SLC6A5: variants seen among roughly 807,000 people sequenced by gnomAD.
SLC6A5 encodes solute carrier family 6 member 5, also known as sodium- and chloride-dependent glycine transporter 2.
Under a neutral mutation model 90.5 loss-of-function variants are expected in SLC6A5, and 58 were observed. That is an observed-to-expected ratio of 0.64 (90% CI 0.52 to 0.80). The LOEUF (loss-of-function observed/expected upper bound fraction) is 0.80, where lower values mean the gene tolerates loss of function less well. SLC6A5 is among the 30% of genes least tolerant of loss of function. The probability of loss-of-function intolerance (pLI) is 0.00; values close to 1 mark genes in which losing one functional copy is unlikely to be tolerated. For missense variants in SLC6A5, 1,015 were observed against 1,017.6 expected (o/e 1.00, Z 0.03); for synonymous variants, 427 against 401.4 (o/e 1.06, Z -0.76).
At chr11:20,654,312 C>A (rs764050824) in intron 15 of SLC6A5, among the ~76,000 whole-genome samples, 1 of 151,954 alleles carries the variant, frequency 6.6e-6, no homozygotes, top group Non-Finnish European at 1.5e-5. Context: ...GACTACAGAA[C>A]AAAAGTAATC....
At chr11:20,652,212 A>G in intron 14 of SLC6A5, 77 bp from the exon 15 acceptor site, 2 of 1,314,782 alleles carry the variant, frequency 1.5e-6, no homozygotes, top group Non-Finnish European at 2.2e-6. Context: ...CAAACTCATA[A>G]CGGGGGTTTA....
At chr11:20,604,772 G>A (rs4423178) in intron 3 of SLC6A5, among the ~76,000 whole-genome samples, 42,725 of 151,922 alleles carry the variant, frequency 0.28, 6,195 homozygotes, top group South Asian at 0.38. Flanking sequence ...CATCCAACGA[G>A]GTTAGAGCCA....
chr11:20,613,680 A>C, intron 5 of SLC6A5, among the ~76,000 whole-genome samples: 1 of 25,304 alleles, frequency 4.0e-5, no homozygotes. Context: ...TTTTTAAGAG[A>C]CAGGGTCTTG....
chr11:20,619,641 C>G (rs1188502250), intron 7 of SLC6A5, among the ~76,000 whole-genome samples: 2 of 148,156 alleles, frequency 1.3e-5, no homozygotes, highest in Non-Finnish European at 3.0e-5. Context: ...TTTTTTTTGG[C>G]CAATAAATGA....
intron 8 of SLC6A5, 79 bp downstream of exon 8, chr11:20,626,921 C>A: frequency 8.6e-7 from 1 of 1,165,984 alleles, no homozygotes; most frequent in Non-Finnish European, 1.3e-6. Flanking sequence ...GTTAGACTTC[C>A]TCCTCCAGGG....
intron 10 of SLC6A5, among the ~76,000 whole-genome samples, chr11:20,634,881 G>A (rs370680234): frequency 1.6e-4 from 25 of 152,150 alleles, no homozygotes; most frequent in Admixed American, 6.5e-4. Flanking sequence ...GGATTATCCC[G>A]GCGCCCACAT....
rs3045403 is a variant in SLC6A5 at position 20,613,652 on chromosome 11, CTT to C, written c.986-1006_986-1005del. On this transcript the variant is annotated intron_variant, in intron 5 of 15. Coordinates refer to ENST00000525748, the MANE Select transcript of SLC6A5 (RefSeq NM_004211.5). Reference sequence around the variant, plus strand: ...CACCGATGTTTTGGACTAAATAATTCTTTTTTTTTTTTTTTTTTTTTTAAGAG... The same window carrying C: ...CACCGATGTTTTGGACTAAATAATTCTTTTTTTTTTTTTTTTTTTTAAGAG... Among the ~76,000 whole-genome samples the C allele has an allele frequency of 1.5e-3, 189 of 126,380 alleles. 1 individual carries two copies. In the Middle Eastern group the frequency reaches 0.016, roughly 11 times the overall value. The allele number at this position is 126,380 out of a possible 152,430, so 82.9% of individuals were successfully genotyped here.
At chr11:20,608,521 G>A (rs1852626266) in intron 5 of SLC6A5, among the ~76,000 whole-genome samples, 1 of 152,240 alleles carries the variant, frequency 6.6e-6, no homozygotes, top group South Asian at 2.1e-4. Flanking sequence ...ACCTTGTGGG[G>A]ATTGCTGTAA....
intron 10 of SLC6A5, among the ~76,000 whole-genome samples, chr11:20,634,938 A>G (rs1853175443): frequency 6.6e-6 from 1 of 152,098 alleles, no homozygotes; most frequent in Non-Finnish European, 1.5e-5. Context: ...TTACAGGAAA[A>G]TTCACAACTG....
At chr11:20,644,017 T>C (rs1004155103) in intron 13 of SLC6A5, among the ~76,000 whole-genome samples, 4 of 152,222 alleles carry the variant, frequency 2.6e-5, no homozygotes, top group African/African-American at 7.2e-5. Context: ...TGAAGTACAA[T>C]GTACATACAT....
intron 4 of SLC6A5, 121 bp downstream of exon 4, chr11:20,607,259 T>G: frequency 7.2e-7 from 1 of 1,380,902 alleles, no homozygotes; most frequent in African/African-American, 1.4e-5. Flanking sequence ...CTTTCCTTCC[T>G]TTATTTGATC....
chr11:20,630,376 G>A (rs1022578465), intron 9 of SLC6A5, among the ~76,000 whole-genome samples: 1 of 152,166 alleles, frequency 6.6e-6, no homozygotes, highest in African/African-American at 2.4e-5. Context: ...ATCAAATTGT[G>A]GATTAAGTTT....
chr11:20,645,502 G>A (rs546194364), intron 13 of SLC6A5, among the ~76,000 whole-genome samples: 3 of 152,254 alleles, frequency 2.0e-5, no homozygotes, highest in Admixed American at 1.3e-4. Context: ...AGGAGCAAGC[G>A]ACCAAGGTCT....
In SLC6A5 at chr11:20,621,012, A is replaced by G. The variant is rs117173914; in HGVS notation, c.1260+3128A>G. ...GAGACAGGATTTCACCGTGTTGGCC[A>G]GGCTAGTCTTGACCTCTTGATCTCA... is the stretch of plus-strand genomic sequence containing the variant. On this transcript the variant is annotated intron_variant, in intron 7 of 15. Transcript: ENST00000525748. Among the ~76,000 whole-genome samples the G allele has an allele frequency of 2.9e-3, 441 of 152,222 alleles. 1 individual carries two copies. The highest frequency in any genetic ancestry group is 5.0e-3 in the Non-Finnish European group (341 of 68,012).
chr11:20,628,003 G>T lies in SLC6A5; in HGVS notation c.1419G>T (p.Gln473His). 1 of 1,614,102 alleles carries T rather than the reference G, an allele frequency of 6.2e-7. No individual in the cohort carries two copies. Among genetic ancestry groups the T allele is most frequent in the Non-Finnish European group, 8.5e-7 (1 of 1,180,000 alleles). The change falls in exon 9 of 16, where the codon CAG (glutamine) becomes CAT (histidine). Residue 473 changes from glutamine to histidine, a missense_variant. This residue lies in a region of SLC6A5 where 442 missense variants were observed against 494.3 expected (regional missense o/e 0.89). Coordinates refer to ENST00000525748, the MANE Select transcript of SLC6A5 (RefSeq NM_004211.5). ...AGGTGTGGAAAGATGCTGCCACTCAGATTTTCTTCTCTTTATCTGCTGCAT... is the reference window on the plus strand; with the variant it reads ...AGGTGTGGAAAGATGCTGCCACTCATATTTTCTTCTCTTTATCTGCTGCAT... The part of the protein sequence containing the change: ...DATVWKDAAT[Q>H]IFFSLSAAWG...
At chr11:20,612,292 C>CT (rs1852709310) in intron 5 of SLC6A5, among the ~76,000 whole-genome samples, 1 of 152,174 alleles carries the variant, frequency 6.6e-6, no homozygotes, top group African/African-American at 2.4e-5. Context: ...TGAGTGCCAG[C>CT]TGTGTGCCAG....
chr11:20,656,570 C>T lies in SLC6A5; in HGVS notation c.*1702C>T, dbSNP rs1853639404. ...CTCAACTCATTTTACTGAGCTCTCC[C>T]TTTTCTAGGGCAAGTATCATCGCCA... On this transcript the variant is annotated 3_prime_UTR_variant, in exon 16 of 16. Coordinates refer to ENST00000525748, the MANE Select transcript of SLC6A5 (RefSeq NM_004211.5). 6.6e-6 allele frequency: 1 copy of T among 152,126 alleles called. No individual in the cohort carries two copies. The highest frequency in any genetic ancestry group is 1.5e-5 in the Non-Finnish European group (1 of 68,000). The allele number at this position is 152,126 out of a possible 1,614,324, so 9.4% of individuals were successfully genotyped here.
intron 13 of SLC6A5, among the ~76,000 whole-genome samples, chr11:20,642,421 A>G (rs11025673): frequency 0.38 from 57,798 of 151,898 alleles, 11,156 homozygotes; most frequent in East Asian, 0.54. Context: ...TCTGAGCCTC[A>G]TATCTGTTTG....
rs1400759393 is a variant in SLC6A5 at position 20,656,229 on chromosome 11, T to C, written c.*1361T>C. ...AAATGTGACATGTGTTCATGTAGTGTGTACTTGTAGTGGTGTTTTCTGTCC... is the reference window on the plus strand; with the variant it reads ...AAATGTGACATGTGTTCATGTAGTGCGTACTTGTAGTGGTGTTTTCTGTCC... On this transcript the variant is annotated 3_prime_UTR_variant, in exon 16 of 16. Coordinates refer to ENST00000525748, the MANE Select transcript of SLC6A5 (RefSeq NM_004211.5). 1.3e-5 allele frequency: 2 copies of C among 152,254 alleles called. No individual in the cohort carries two copies. Among genetic ancestry groups the C allele is most frequent in the Non-Finnish European group, 2.9e-5 (2 of 68,050 alleles). The allele number at this position is 152,254 out of a possible 1,614,324, so 9.4% of individuals were successfully genotyped here.
Sources: allele counts gnomAD v4.1 joint callset (sites outside exome capture counted in the v4.1 genomes callset), GRCh38; gene constraint gnomAD v4.1.1; regional missense constraint gnomAD v4.1.1; transcripts MANE v1.5; gene names NCBI Gene and HGNC (gene_info 2026-07-23, HGNC 2026-07-21).